Variants in NR3C2 observed in about 807,000 individuals in gnomAD.
NR3C2 encodes mineralocorticoid receptor.
In NR3C2, 15 loss-of-function variants were observed where a neutral mutation model predicts 86.4. That is an observed-to-expected ratio of 0.17 (90% CI 0.12 to 0.27). NR3C2 has a LOEUF of 0.27. Ranked by LOEUF, NR3C2 falls within the 10% of genes least tolerant of loss-of-function variation. The pLI, the probability that NR3C2 is intolerant of heterozygous loss-of-function variation, is 1.00. For missense variants in NR3C2, 960 were observed against 1,195.6 expected, an observed-to-expected ratio of 0.80 and a Z score of 2.91; for synonymous variants, 458 against 450.5, an observed-to-expected ratio of 1.02 and a Z score of -0.21.
intron 2 of NR3C2, among the ~76,000 whole-genome samples, chr4:148,406,790 T>G (rs1002961305): frequency 6.6e-6 from 1 of 152,196 alleles, no homozygotes; most frequent in Admixed American, 6.5e-5. Flanking sequence ...CTGTCCAAGA[T>G]AATTATTAAG....
chr4:148,151,992 T>G (rs2149764270), intron 6 of NR3C2, among the ~76,000 whole-genome samples: 1 of 152,326 alleles, frequency 6.6e-6, no homozygotes, highest in Non-Finnish European at 1.5e-5. Flanking sequence ...GCTTCTTTTA[T>G]GATGGCAAAG....
chr4:148,393,530 G>A (rs1747698642), intron 2 of NR3C2, among the ~76,000 whole-genome samples: 1 of 152,178 alleles, frequency 6.6e-6, no homozygotes, highest in South Asian at 2.1e-4. Context: ...AAGTGAATGG[G>A]CAGTGGTGGG....
chr4:148,397,702 GTTC>G (rs568035934), intron 2 of NR3C2, among the ~76,000 whole-genome samples: 207 of 152,182 alleles, frequency 1.4e-3, no homozygotes, highest in African/African-American at 4.8e-3. Flanking sequence ...AATGTGAATA[GTTC>G]TTCTGCTCTA....
chr4:148,128,973 A>G (rs186324069), intron 6 of NR3C2, among the ~76,000 whole-genome samples: 1 of 152,354 alleles, frequency 6.6e-6, no homozygotes, highest in East Asian at 1.9e-4. Context: ...CATGTGATAC[A>G]TGGACCTTGA....
Position 148,081,236 on chromosome 4 carries a change from A to T in NR3C2, c.*108T>A, listed in dbSNP as rs1730538764. 2.0e-4 allele frequency: 290 copies of T among 1,422,096 alleles called. 4 individuals are homozygous for T. In the South Asian group the frequency reaches 3.4e-3, roughly 17 times the overall value. 88.1% of individuals were successfully genotyped at this position (1,422,096 alleles called of 1,614,324 possible). A position where few individuals can be genotyped will look rare whatever the true frequency, so the allele number is the denominator to read the frequency against. ...GACTTTAAACTTGAGAAACTGTTGA[A>T]CAAGTGTGAATCAACCATCACATGT... On this transcript the variant is annotated 3_prime_UTR_variant, in exon 9 of 9. Transcript: ENST00000358102.
At chr4:148,199,187 G>A (rs1736592858) in intron 3 of NR3C2, among the ~76,000 whole-genome samples, 4 of 151,820 alleles carry the variant, frequency 2.6e-5, no homozygotes, top group South Asian at 4.2e-4. Context: ...GCAGAATGTC[G>A]CCTTTGAGTA....
intron 3 of NR3C2, among the ~76,000 whole-genome samples, chr4:148,241,103 C>T (rs1247491475): frequency 2.0e-5 from 3 of 151,738 alleles, no homozygotes; most frequent in Admixed American, 6.6e-5. Context: ...GTCAGGAGTT[C>T]GAGACCAGCC....
chr4:148,419,375 C>T (rs1749163971), intron 2 of NR3C2, among the ~76,000 whole-genome samples: 1 of 152,132 alleles, frequency 6.6e-6, no homozygotes, highest in Non-Finnish European at 1.5e-5. Flanking sequence ...AAGCTATAAG[C>T]AAAATTACAT....
At chr4:148,176,526 C>T (rs1735383423) in intron 4 of NR3C2, among the ~76,000 whole-genome samples, 2 of 152,152 alleles carry the variant, frequency 1.3e-5, no homozygotes, top group African/African-American at 4.8e-5. Context: ...TCTACCTTTT[C>T]CCAGTAGATA....
rs1553982445 is a variant in NR3C2 at position 148,080,719 on chromosome 4, C to CATCT, written c.*621_*624dup. ...GAAATCAAACCAAGGCATTTAACAT[C>CATCT]ATCTTATCCATTCTAATTAAATAAG... On this transcript the variant is annotated 3_prime_UTR_variant, in exon 9 of 9. Coordinates refer to ENST00000358102, the MANE Select transcript of NR3C2 (RefSeq NM_000901.5). 2 of 317,088 alleles carry CATCT rather than the reference C, an allele frequency of 6.3e-6. No homozygotes were observed. The highest frequency in any genetic ancestry group is 2.2e-5 in the African/African-American group (1 of 46,352). 19.6% of individuals were successfully genotyped at this position (317,088 alleles called of 1,614,324 possible).
At chr4:148,369,238 T>A (rs950143197) in intron 2 of NR3C2, among the ~76,000 whole-genome samples, 1 of 151,576 alleles carries the variant, frequency 6.6e-6, no homozygotes, top group Non-Finnish European at 1.5e-5. Flanking sequence ...GCATTAGCGA[T>A]TTTTTATGGC....
chr4:148,332,410 C>T (rs968538504), intron 2 of NR3C2, among the ~76,000 whole-genome samples: 5 of 143,330 alleles, frequency 3.5e-5, no homozygotes, highest in African/African-American at 1.2e-4. Flanking sequence ...GATGTACAAT[C>T]GACTGGGAAT....
chr4:148,226,382 T>A lies in NR3C2; in HGVS notation c.1898-31520A>T, dbSNP rs550778563. On this transcript the variant is annotated intron_variant, in intron 3 of 8. Coordinates refer to ENST00000358102, the MANE Select transcript of NR3C2 (RefSeq NM_000901.5). ...AATGAACCATACAGTAAGCACTTCT[T>A]TGTGTCTTTTTTCCCTGAAAGTTTT... Among the ~76,000 whole-genome samples, 3 of 152,318 alleles carry A rather than the reference T, an allele frequency of 2.0e-5. No individual in the cohort carries two copies. In the South Asian group the frequency reaches 6.2e-4, roughly 32 times the overall value.
At chr4:148,354,794 T>C (rs1317899540) in intron 2 of NR3C2, among the ~76,000 whole-genome samples, 3 of 152,168 alleles carry the variant, frequency 2.0e-5, no homozygotes, top group Non-Finnish European at 2.9e-5. Flanking sequence ...CTGCTCAACA[T>C]TCAATCATGA....
chr4:148,190,481 G>A (rs1382197049), intron 4 of NR3C2, among the ~76,000 whole-genome samples: 1 of 152,162 alleles, frequency 6.6e-6, no homozygotes, highest in Non-Finnish European at 1.5e-5. Flanking sequence ...AAAGTTCCAT[G>A]CGCTGTTGAA....
chr4:148,374,203 G>T (rs959057083), intron 2 of NR3C2, among the ~76,000 whole-genome samples: 5 of 152,194 alleles, frequency 3.3e-5, no homozygotes, highest in South Asian at 2.1e-4. Context: ...AAGGATACAA[G>T]AAAAATTTCC....
chr4:148,177,832 T>A (rs1735446538), intron 4 of NR3C2, among the ~76,000 whole-genome samples: 1 of 152,180 alleles, frequency 6.6e-6, no homozygotes, highest in Admixed American at 6.5e-5. Flanking sequence ...CCAGAACTTA[T>A]CCTCAGTCTT....
chr4:148,183,084 T>C (rs1357272938), intron 4 of NR3C2, among the ~76,000 whole-genome samples: 1 of 152,166 alleles, frequency 6.6e-6, no homozygotes, highest in African/African-American at 2.4e-5. Context: ...TGGTTTTCTG[T>C]CCTTATGATA....
At chr4:148,151,041 G>T (rs1734078926) in intron 6 of NR3C2, among the ~76,000 whole-genome samples, 1 of 152,150 alleles carries the variant, frequency 6.6e-6, no homozygotes. Context: ...TTTAGAGTTT[G>T]TTTGGGATGA....
Sources: gnomAD v4.1 joint callset for allele counts (sites outside exome capture counted in the v4.1 genomes callset) on GRCh38, gnomAD v4.1.1 for gene constraint, MANE v1.5 for transcripts, NCBI Gene and HGNC (gene_info 2026-07-23, HGNC 2026-07-21) for gene names.